The following ABCG2 variants were observed in gnomAD, a reference collection of about 807,000 sequenced individuals.
ABCG2 encodes the protein ATP binding cassette subfamily G member 2 (JR blood group).
Under a neutral mutation model 73.5 loss-of-function variants are expected in ABCG2, and 80 were observed. The observed-to-expected ratio is 1.09, with a 90% CI of 0.91 to 1.31. The LOEUF is 1.31. Among genes scored for constraint, ABCG2 ranks in the 50% most tolerant of loss-of-function variants. The probability of loss-of-function intolerance (pLI) is 0.00; values close to 1 mark genes in which losing one functional copy is unlikely to be tolerated. For missense variants in ABCG2, 796 were observed against 786.2 expected (o/e 1.01, Z -0.15); for synonymous variants, 269 against 282.4 (o/e 0.95, Z 0.48).
At chr4:88,120,672 G>A (rs1286607030) in intron 6 of ABCG2, among the ~76,000 whole-genome samples, 1 of 152,118 alleles carries the variant, frequency 6.6e-6, no homozygotes, top group Non-Finnish European at 1.5e-5. Flanking sequence ...TTTACCCAAT[G>A]CCTGTACTCC....
intron 1 of ABCG2, among the ~76,000 whole-genome samples, chr4:88,225,213 A>G (rs1449930517): frequency 1.3e-5 from 2 of 152,260 alleles, no homozygotes; most frequent in South Asian, 2.1e-4. Context: ...GCTGTATTGT[A>G]TGGGCTGTGT....
At chr4:88,182,087 C>T (rs1470349417) in intron 1 of ABCG2, among the ~76,000 whole-genome samples, 2 of 152,078 alleles carry the variant, frequency 1.3e-5, no homozygotes, top group South Asian at 2.1e-4. Flanking sequence ...TGGAAAAAGA[C>T]ACTCCATACC....
At chr4:88,165,719 C>T (rs558681502) in intron 1 of ABCG2, among the ~76,000 whole-genome samples, 1 of 152,236 alleles carries the variant, frequency 6.6e-6, no homozygotes, top group African/African-American at 2.4e-5. Flanking sequence ...ACTAAAAATA[C>T]AAAAATTAAG....
At chr4:88,168,492 A>T (rs1727629137) in intron 1 of ABCG2, among the ~76,000 whole-genome samples, 1 of 151,930 alleles carries the variant, frequency 6.6e-6, no homozygotes, top group Non-Finnish European at 1.5e-5. Context: ...TCTCAAAAAA[A>T]AAAAAAGTTC....
intron 1 of ABCG2, among the ~76,000 whole-genome samples, chr4:88,164,376 G>T (rs565189228): frequency 2.0e-5 from 3 of 152,136 alleles, no homozygotes; most frequent in Non-Finnish European, 1.5e-5. Context: ...ATCTTGAATT[G>T]TACTTCCCAT....
intron 13 of ABCG2, among the ~76,000 whole-genome samples, chr4:88,096,087 T>C (rs1174697433): frequency 6.6e-6 from 1 of 152,196 alleles, no homozygotes; most frequent in Non-Finnish European, 1.5e-5. Flanking sequence ...TCTATATCCA[T>C]ATGACTTTAG....
upstream of ABCG2, among the ~76,000 whole-genome samples, chr4:88,163,409 G>A (rs1333281787): frequency 3.9e-5 from 6 of 152,138 alleles, no homozygotes; most frequent in African/African-American, 1.4e-4. Flanking sequence ...AGACAGACTA[G>A]AACATGTGTG....
Position 88,140,012 on chromosome 4 carries a change from T to C in ABCG2, c.-17A>G. 1 of 1,611,214 alleles carries C rather than the reference T, an allele frequency of 6.2e-7. No homozygotes were observed. On this transcript the variant is annotated splice_region_variant and 5_prime_UTR_variant, in exon 2 of 16. Transcript: ENST00000237612. The stretch of plus-strand genomic sequence containing the variant: ...GGAAGACATCTGGAGAGTTTTTATC[T>C]TTCTGCAGACAGAAAAGCAATAGTA...
chr4:88,188,107 A>G (rs6532053), intron 1 of ABCG2, among the ~76,000 whole-genome samples: 128,067 of 152,184 alleles, frequency 0.84, 54,060 homozygotes, highest in East Asian at 1. Context: ...TAAGAGTTTC[A>G]TAAGTTTAAG....
At chr4:88,142,029 T>C (rs1009875618) in intron 1 of ABCG2, among the ~76,000 whole-genome samples, 6 of 151,998 alleles carry the variant, frequency 3.9e-5, no homozygotes, top group African/African-American at 1.5e-4. Flanking sequence ...GGAAGACTAG[T>C]ACACAGAAAA....
intron 9 of ABCG2, among the ~76,000 whole-genome samples, chr4:88,109,566 C>G (rs1433528674): frequency 6.6e-6 from 1 of 152,160 alleles, no homozygotes; most frequent in Non-Finnish European, 1.5e-5. Context: ...ATGGAGTGCA[C>G]AGACCCCATC....
intron 1 of ABCG2, among the ~76,000 whole-genome samples, chr4:88,205,999 T>A (rs1729362933): frequency 6.6e-6 from 1 of 152,104 alleles, no homozygotes; most frequent in African/African-American, 2.4e-5. Flanking sequence ...TCATTTTATA[T>A]CTGGGCTGTC....
At chr4:88,165,747 G>A (rs1006209569) in intron 1 of ABCG2, among the ~76,000 whole-genome samples, 8 of 152,100 alleles carry the variant, frequency 5.3e-5, no homozygotes, top group South Asian at 2.1e-4. Flanking sequence ...GGTGGCATGC[G>A]CCTGTAGTCC....
intron 1 of ABCG2, among the ~76,000 whole-genome samples, chr4:88,225,267 G>T (rs113234686): frequency 2.0e-5 from 3 of 152,224 alleles, no homozygotes; most frequent in African/African-American, 7.2e-5. Flanking sequence ...AGCAGTTGTC[G>T]ACAATGCATA....
In ABCG2 at chr4:88,144,449, C is replaced by CTTTT. The variant is rs59434855; in HGVS notation, c.-19-4439_-19-4436dup. On this transcript the variant is annotated intron_variant, in intron 1 of 15. Coordinates refer to ENST00000237612, the MANE Select transcript of ABCG2 (RefSeq NM_004827.3). ...CCTAACTAGCAAGGCCACATTTTTACTTTTTTTTTTTTTTTTTTTTTTTGA... is the reference window on the plus strand; with the variant it reads ...CCTAACTAGCAAGGCCACATTTTTACTTTTTTTTTTTTTTTTTTTTTTTTTTTGA... 3.0e-3 allele frequency among the ~76,000 whole-genome samples: 229 copies of CTTTT among 77,596 alleles called. 7 individuals carry two copies. Among genetic ancestry groups the CTTTT allele is most frequent in the African/African-American group, 8.0e-3 (139 of 17,344 alleles). 50.9% of individuals were successfully genotyped at this position (77,596 alleles called of 152,430 possible).
intron 1 of ABCG2, among the ~76,000 whole-genome samples, chr4:88,164,633 C>T (rs1211712920): frequency 1.3e-5 from 2 of 152,150 alleles, no homozygotes; most frequent in East Asian, 1.9e-4. Context: ...AGTCAATTAA[C>T]CTCTTTCCTT....
intron 10 of ABCG2, among the ~76,000 whole-genome samples, chr4:88,105,429 A>C (rs1722708111): frequency 6.6e-6 from 1 of 152,190 alleles, no homozygotes; most frequent in African/African-American, 2.4e-5. Flanking sequence ...CATACATGAA[A>C]TAACCAGAAC....
intron 1 of ABCG2, among the ~76,000 whole-genome samples, chr4:88,169,736 A>G (rs1182416177): frequency 6.6e-6 from 1 of 152,080 alleles, no homozygotes; most frequent in African/African-American, 2.4e-5. Context: ...CCTCAAGCAG[A>G]TGTCATCTAA....
intron 8 of ABCG2, among the ~76,000 whole-genome samples, chr4:88,114,124 G>A (rs556580688): frequency 1.3e-5 from 2 of 152,086 alleles, no homozygotes; most frequent in South Asian, 2.1e-4. Flanking sequence ...GCAACGAAAC[G>A]AGACCCTGTC....
Sources: allele counts gnomAD v4.1 joint callset (sites outside exome capture counted in the v4.1 genomes callset), GRCh38; gene constraint gnomAD v4.1.1; transcripts MANE v1.5; gene names NCBI Gene and HGNC (gene_info 2026-07-23, HGNC 2026-07-21).